The following MCF2 variants were observed in gnomAD, a reference collection of about 807,000 sequenced individuals.
The protein encoded by MCF2 is proto-oncogene DBL.
MCF2 carries 44 observed loss-of-function variants against 82.5 expected under a neutral mutation model. The ratio of observed to expected loss-of-function variants is 0.53; its 90% confidence interval spans 0.42 to 0.69. The LOEUF is 0.69. MCF2 is among the 30% of genes least tolerant of loss of function. The pLI is 0.00. For synonymous variants in MCF2, 217 were observed against 224.9 expected, an observed-to-expected ratio of 0.96 and a Z score of 0.32; for missense variants, 623 against 663.1, an observed-to-expected ratio of 0.94 and a Z score of 0.66.
At chrX:139,582,235 C>G (rs765911182) in exon 25 of MCF2, 4 of 410,431 alleles carry the variant, frequency 9.7e-6, no homozygotes, top group Non-Finnish European at 1.7e-5. Flanking sequence ...AGATGAGAAT[C>G]TTTCAAGCAC....
intron 1 of MCF2, among the ~76,000 whole-genome samples, chrX:139,686,624 G>A (rs1475691540): frequency 9.0e-6 from 1 of 111,532 alleles, no homozygotes; most frequent in Non-Finnish European, 1.9e-5. Context: ...CTCCACTGAT[G>A]AAAATTTCTG....
chrX:139,640,980 C>A (rs1226446704), intron 1 of MCF2, among the ~76,000 whole-genome samples: 1 of 110,485 alleles, frequency 9.1e-6, no homozygotes, highest in East Asian at 2.8e-4. Context: ...CATTTACGAA[C>A]ATGTCTTACC....
intron 16 of MCF2, among the ~76,000 whole-genome samples, chrX:139,600,809 C>T (rs1389494830): frequency 1.1e-4 from 12 of 111,228 alleles, no homozygotes; most frequent in Non-Finnish European, 2.3e-4. Flanking sequence ...ACAAGTATCA[C>T]CAGACATTTG....
chrX:139,603,757 C>T (rs1001168990), intron 15 of MCF2, among the ~76,000 whole-genome samples: 6 of 111,138 alleles, frequency 5.4e-5, no homozygotes, highest in Admixed American at 9.5e-5. Context: ...ATGGTGTGAA[C>T]CCGGGACGTG....
chrX:139,706,891 T>A (rs963242263), intron 1 of MCF2, among the ~76,000 whole-genome samples: 13 of 109,008 alleles, frequency 1.2e-4, no homozygotes, highest in African/African-American at 3.7e-4. Context: ...CAGACATAAT[T>A]ATTATTATTA....
At chrX:139,625,422 G>A (rs1043109046) in intron 6 of MCF2, among the ~76,000 whole-genome samples, 2 of 111,669 alleles carry the variant, frequency 1.8e-5, no homozygotes, top group African/African-American at 6.5e-5. Flanking sequence ...AATCAAAGGA[G>A]AGAAAACGCT....
At chrX:139,618,467 G>A (rs760162499) in intron 7 of MCF2, among the ~76,000 whole-genome samples, 2 of 110,200 alleles carry the variant, frequency 1.8e-5, no homozygotes, top group Admixed American at 9.7e-5. Context: ...TGATTAAGAC[G>A]GTAAATTTCA....
In MCF2 at chrX:139,595,441, A is replaced by G. The variant is rs1449016413; in HGVS notation, c.2277+1108T>C. ...TGTCCTTTGTAGGGACATGGATGAA[A>G]TTGGAAATCATCATTCTCAGTAAAC... On this transcript the variant is annotated intron_variant, in intron 19 of 24. Coordinates refer to ENST00000370576, the Ensembl canonical transcript of MCF2. 3.6e-3 allele frequency among the ~76,000 whole-genome samples: 385 copies of G among 108,347 alleles called. 4 individuals are homozygous for G. Among genetic ancestry groups the G allele is most frequent in the African/African-American group, 0.011 (340 of 29,840 alleles). The allele number at this position is 108,347 out of a possible 115,157, so 94.1% of individuals were successfully genotyped here.
intron 19 of MCF2, among the ~76,000 whole-genome samples, chrX:139,594,209 G>C (rs1929818168): frequency 9.1e-6 from 1 of 109,367 alleles, no homozygotes; most frequent in Non-Finnish European, 1.9e-5. Context: ...TTTCTTCACA[G>C]AATTGGAAAA....
At chrX:139,604,734 G>C in exon 15 of MCF2, 1 of 1,195,813 alleles carries the variant, frequency 8.4e-7, no homozygotes, top group Non-Finnish European at 1.1e-6. Flanking sequence ...CAATTTTCCA[G>C]GCTGCTCAAG....
chrX:139,658,940 C>T (rs1406308197), intron 1 of MCF2, among the ~76,000 whole-genome samples: 1 of 111,020 alleles, frequency 9.0e-6, no homozygotes, highest in African/African-American at 3.3e-5. Context: ...ACCTTGACCT[C>T]CCAAAGTGTT....
chrX:139,632,452 A>G (rs1363454599), exon 2 of MCF2: 1 of 1,198,569 alleles, frequency 8.3e-7, no homozygotes, highest in Admixed American at 2.3e-5. Flanking sequence ...CAGGGAAGGA[A>G]GCCTGTAGAA....
At chrX:139,610,477 A>G (rs767736593) in intron 10 of MCF2, 139 bp from the exon 15 acceptor site, 3 of 385,352 alleles carry the variant, frequency 7.8e-6, no homozygotes, top group Non-Finnish European at 1.3e-5. Context: ...CACACTATAG[A>G]AGATAATGTT....
intron 1 of MCF2, among the ~76,000 whole-genome samples, chrX:139,663,519 G>T (rs1293417978): frequency 9.3e-6 from 1 of 107,028 alleles, no homozygotes; most frequent in East Asian, 2.9e-4. Context: ...GCAGGGGTTT[G>T]TTGTACATAT....
At chrX:139,644,433 T>C (rs2148517659), upstream of MCF2, among the ~76,000 whole-genome samples, 1 of 112,476 alleles carries the variant, frequency 8.9e-6, no homozygotes, top group East Asian at 2.8e-4. Flanking sequence ...AAAGCACTAA[T>C]ATGCTATAGA....
chrX:139,596,465 C>T lies in MCF2; in HGVS notation c.2277+84G>A, dbSNP rs1241891785. 43 of 700,695 alleles carry T rather than the reference C, an allele frequency of 6.1e-5. No individual in the cohort carries two copies. The East Asian group carries it at 1.4e-3, about 23-fold the overall frequency. The allele number at this position is 700,695 out of a possible 1,213,427, so 57.7% of individuals were successfully genotyped here. ...ATGTGCAGCGAAAGTATAAAACCTA[C>T]TCATTTGAAACAAAAAAAATGTACA... On this transcript the variant is annotated intron_variant, in intron 19 of 24. Transcript: ENST00000370576.
intron 10 of MCF2, among the ~76,000 whole-genome samples, chrX:139,611,897 A>G (rs778482360): frequency 1.7e-3 from 183 of 110,737 alleles, no homozygotes; most frequent in Non-Finnish European, 2.6e-3. Context: ...CATGTGGGAA[A>G]GGGAGAGGAA....
intron 1 of MCF2, among the ~76,000 whole-genome samples, chrX:139,706,929 T>C (rs1267105914): frequency 4.5e-5 from 5 of 110,043 alleles, no homozygotes; most frequent in African/African-American, 1.3e-4. Flanking sequence ...TTATAACCCA[T>C]ATAAAGAAGT....
intron 1 of MCF2, among the ~76,000 whole-genome samples, chrX:139,687,906 G>A (rs1213730703): frequency 8.9e-6 from 1 of 111,875 alleles, no homozygotes; most frequent in Non-Finnish European, 1.9e-5. Flanking sequence ...AGTTGAGGTA[G>A]ATTCCCCACA....
Sources: allele counts gnomAD v4.1 joint callset (sites outside exome capture counted in the v4.1 genomes callset), GRCh38; gene constraint gnomAD v4.1.1; transcripts MANE v1.5; gene names NCBI Gene and HGNC (gene_info 2026-07-23, HGNC 2026-07-21).